GNAT2: variants seen among roughly 807,000 people sequenced by gnomAD.
The protein encoded by GNAT2 is G protein subunit alpha transducin 2.
A neutral mutation model predicts 40.9 loss-of-function variants in GNAT2; 32 were observed. The ratio of observed to expected loss-of-function variants is 0.78; its 90% CI spans 0.59 to 1.05. GNAT2 has a LOEUF of 1.05. GNAT2 is among the 50% of genes least tolerant of loss of function. The pLI is 0.00. For missense variants in GNAT2, 355 were observed against 431.5 expected (o/e 0.82, Z 1.57); for synonymous variants, 141 against 157.2 (o/e 0.90, Z 0.77).
intron 5 of GNAT2, chr1:109,607,592 T>G (rs752022552): frequency 4.6e-5 from 7 of 152,242 alleles, no homozygotes; most frequent in Non-Finnish European, 8.8e-5. Flanking sequence ...GCCATCAAGT[T>G]TCATATCCCC....
intron 7 of GNAT2, 63 bp downstream of exon 7, chr1:109,605,906 CT>C: frequency 6.7e-7 from 1 of 1,492,272 alleles, no homozygotes; most frequent in Non-Finnish European, 9.3e-7. Context: ...TGACACAAGG[CT>C]TAGAGAAAGG....
chr1:109,610,230 C>T (rs1330316732), intron 3 of GNAT2, 49 bp from the exon 4 acceptor site: 1 of 1,597,354 alleles, frequency 6.3e-7, no homozygotes, highest in Admixed American at 1.7e-5. Flanking sequence ...GTAACCAGAC[C>T]TAAGGGATTA....
At chr1:109,609,662 C>G in intron 4 of GNAT2, 1 of 340,636 alleles carries the variant, frequency 2.9e-6, no homozygotes, top group Non-Finnish European at 5.7e-6. Flanking sequence ...TTGCTTACTT[C>G]TCCAGGACTG....
chr1:109,615,608 G>GAA (rs756793113), intron 1 of GNAT2: 2 of 58,462 alleles, frequency 3.4e-5, no homozygotes, highest in Non-Finnish European at 7.8e-5. Flanking sequence ...TTCCGTCTCA[G>GAA]AAAAAAAAAA....
In GNAT2 at chr1:109,603,613, G is replaced by A. The variant is rs148211692; in HGVS notation, c.875-69C>T. 3.6e-3 allele frequency: 3,694 copies of A among 1,022,402 alleles called. 39 individuals carry two copies. The highest frequency in any genetic ancestry group is 0.019 in the South Asian group (1,496 of 78,640). The allele number at this position is 1,022,402 out of a possible 1,614,324, so 63.3% of individuals were successfully genotyped here. The stretch of plus-strand genomic sequence containing the variant: ...CTTGTTAGTTGCTGACTCACTTTAG[G>A]TGATTGACTTGATCCTTGAAATGTT... On this transcript the variant is annotated intron_variant, in intron 8 of 8. Coordinates refer to ENST00000679935, the MANE Select transcript of GNAT2 (RefSeq NM_001377295.2).
rs765445143 is a variant in GNAT2, at chr1:109,603,522, C to T, written c.897G>A (p.Ala299=). ...GGAACTGGCTCTTTATGTAATTCCC[C>T]GCATCATCATAGGAGTTGTTACCTG... is the stretch of plus-strand genomic sequence containing the variant. The part of the protein sequence containing the change: ...EYDGNNSYDD[A]GNYIKSQFLD... Residue 299 remains alanine, a synonymous_variant, in exon 9 of 9, where the codon GCG becomes GCA. Coordinates refer to ENST00000679935, the MANE Select transcript of GNAT2 (RefSeq NM_001377295.2). 133 of 1,609,948 alleles carry T rather than the reference C, an allele frequency of 8.3e-5. 1 individual carries two copies. The highest frequency in any genetic ancestry group is 3.3e-4 in the Middle Eastern group (2 of 6,076).
Position 109,603,988 on chromosome 1 carries a change from C to A in GNAT2, c.837G>T (p.Lys279Asn). The A allele has an allele frequency of 6.2e-7, 1 of 1,611,148 alleles. No individual in the cohort carries two copies. Among genetic ancestry groups the A allele is most frequent in the Non-Finnish European group, 8.5e-7 (1 of 1,177,360 alleles). The change falls in exon 8 of 9, where the codon AAG becomes AAT. Residue 279 changes from lysine (K) to asparagine (N), a missense_variant. Transcript: ENST00000679935. ...GAAAACAAATGCTGAGATGGACTTTCTTGATTTTTTCCTCAAAGAGGTCCT... is the reference window on the plus strand; with the variant it reads ...GAAAACAAATGCTGAGATGGACTTTATTGATTTTTTCCTCAAAGAGGTCCT... ...NKKDLFEEKI[K>N]KVHLSICFPE... is the part of the protein sequence containing the mutation.
Position 109,603,552 on chromosome 1 carries a change from TC to T in GNAT2, c.875-9del, listed in dbSNP as rs779246217. On this transcript the variant is annotated splice_polypyrimidine_tract_variant and intron_variant, in intron 8 of 8. Coordinates refer to ENST00000679935, the MANE Select transcript of GNAT2 (RefSeq NM_001377295.2). ...CATCATAGGAGTTGTTACCTGGTTTTCCAGAAAAATAGTGAAAAAGTAGAAT... is the reference window on the plus strand; with the variant it reads ...CATCATAGGAGTTGTTACCTGGTTTTCAGAAAAATAGTGAAAAAGTAGAAT... 1.9e-6 allele frequency: 3 copies of T among 1,584,392 alleles called. No individual in the cohort carries two copies. The highest frequency in any genetic ancestry group is 2.2e-5 in the South Asian group (2 of 90,468).
rs1394828522 is a variant in GNAT2 at position 109,603,289 on chromosome 1, TTC to T, written c.*63_*64del. The T allele has an allele frequency of 8.1e-6, 7 of 859,684 alleles. No individual in the cohort carries two copies. The highest frequency in any genetic ancestry group is 2.7e-5 in the South Asian group (2 of 73,688). 53.3% of individuals were successfully genotyped at this position (859,684 alleles called of 1,614,324 possible). On this transcript the variant is annotated 3_prime_UTR_variant, in exon 9 of 9. Transcript: ENST00000679935. ...ATGTCATGGTATATTGACTATAATT[TTC>T]TGTTTTTAATTACCCAGATTCCAAG... is the stretch of plus-strand genomic sequence containing the variant.
Position 109,610,185 on chromosome 1 carries a change from C to G in GNAT2, c.162-4G>C. The G allele has an allele frequency of 6.2e-7, 1 of 1,613,940 alleles. No individual in the cohort carries two copies. Among genetic ancestry groups the G allele is most frequent in the Non-Finnish European group, 8.5e-7 (1 of 1,179,868 alleles). ...ATAGCCATCCTGGTGAATGATCCTG[C>G]AAGGGGCAGACACTCTGTCTTTAGC... On this transcript the variant is annotated splice_polypyrimidine_tract_variant and splice_region_variant and intron_variant, in intron 3 of 8. Transcript: ENST00000679935.
rs1417945458 is a variant in GNAT2 at position 109,603,988 on chromosome 1, C to G, written c.837G>C (p.Lys279Asn). The G allele has an allele frequency of 1.2e-6, 2 of 1,611,030 alleles. No homozygotes were observed. The highest frequency in any genetic ancestry group is 1.7e-6 in the Non-Finnish European group (2 of 1,177,368). ...GAAAACAAATGCTGAGATGGACTTT[C>G]TTGATTTTTTCCTCAAAGAGGTCCT... ...NKKDLFEEKI[K>N]KVHLSICFPE... Residue 279 changes from lysine to asparagine, a missense_variant, in exon 8 of 9, where the codon AAG (lysine) becomes AAC (asparagine). Lys to Asn is a moderately conservative substitution (Grantham distance 94, BLOSUM62 0). Coordinates refer to ENST00000679935, the MANE Select transcript of GNAT2 (RefSeq NM_001377295.2).
intron 1 of GNAT2, chr1:109,615,749 A>C (rs542867628): frequency 6.5e-6 from 1 of 152,720 alleles, no homozygotes; most frequent in East Asian, 1.9e-4. Context: ...GCGCCACTGC[A>C]CTCCAACCTG....
At chr1:109,603,856 C>CTTAA in intron 8 of GNAT2, 95 bp downstream of exon 8, 1 of 939,466 alleles carries the variant, frequency 1.1e-6, no homozygotes, top group South Asian at 1.3e-5. Context: ...AAGGTTCTCC[C>CTTAA]TTAAGTTCCT....
At chr1:109,604,359 C>G in intron 7 of GNAT2, 1 of 499,662 alleles carries the variant, frequency 2.0e-6, no homozygotes, top group South Asian at 2.1e-5. Context: ...TATAGGGTTA[C>G]AATGAAAGCT....
intron 4 of GNAT2, chr1:109,609,523 T>C (rs1427957566): frequency 4.8e-6 from 1 of 206,898 alleles, no homozygotes; most frequent in Non-Finnish European, 9.9e-6. Flanking sequence ...TGGTCCCACC[T>C]ACTGGGGCTG....
intron 7 of GNAT2, 46 bp from the exon 8 acceptor site, chr1:109,604,150 AATATCTAC>A (rs748758932): frequency 7.0e-7 from 1 of 1,432,336 alleles, no homozygotes; most frequent in Non-Finnish European, 9.8e-7. Context: ...TGGCTTATAG[AATATCTAC>A]CTACTTCCTG....
chr1:109,611,832 T>C (rs1649806107), intron 2 of GNAT2: 1 of 152,190 alleles, frequency 6.6e-6, no homozygotes, highest in Admixed American at 6.5e-5. Flanking sequence ...GCTCCTTTAG[T>C]GTGTCCTTAC....
At chr1:109,614,665 C>T (rs960249194) in intron 1 of GNAT2, 2 of 152,222 alleles carry the variant, frequency 1.3e-5, no homozygotes, top group Non-Finnish European at 2.9e-5. Flanking sequence ...GTAATTTGCT[C>T]TTTCATTTTA....
chr1:109,610,776 A>G (rs890387785), intron 2 of GNAT2: 14 of 542,254 alleles, frequency 2.6e-5, no homozygotes, highest in Non-Finnish European at 4.3e-5. Context: ...TCTACCCACT[A>G]GAGGCCAATA....
Sources: gnomAD v4.1 joint callset for allele counts on GRCh38, gnomAD v4.1.1 for gene constraint, MANE v1.5 for transcripts, NCBI Gene and HGNC (gene_info 2026-07-23, HGNC 2026-07-21) for gene names.